The following ATG14 variants were observed in gnomAD, a reference collection of about 807,000 sequenced individuals.
The protein encoded by ATG14 is beclin 1-associated autophagy-related key regulator.
ATG14 carries 35 observed loss-of-function variants against 60.4 expected under a neutral mutation model. The observed-to-expected ratio is 0.58, with a 90% confidence interval of 0.44 to 0.77. The LOEUF (loss-of-function observed/expected upper bound fraction) is 0.77. Ranked by LOEUF, ATG14 falls within the 30% of genes least tolerant of loss-of-function variation. The probability of loss-of-function intolerance (pLI) is 0.00; values close to 1 mark genes in which losing one functional copy is unlikely to be tolerated. For missense variants in ATG14, 647 were observed against 626.3 expected, an observed-to-expected ratio of 1.03 and a Z score of -0.35; for synonymous variants, 234 against 228.8, an observed-to-expected ratio of 1.02 and a Z score of -0.21.
rs1304856728 is a variant in ATG14, at chr14:55,367,130, T to G, written c.*2489A>C. ...GTACTCTAGATGAGTTTGTGATCTCTGGATTCTATTCTTTAGCTTCATCTC... is the reference window on the plus strand; with the variant it reads ...GTACTCTAGATGAGTTTGTGATCTCGGGATTCTATTCTTTAGCTTCATCTC... On this transcript the variant is annotated 3_prime_UTR_variant, in exon 10 of 10. Coordinates refer to ENST00000247178, the MANE Select transcript of ATG14 (RefSeq NM_014924.5). 1.3e-5 allele frequency: 2 copies of G among 152,476 alleles called. No homozygotes were observed. The highest frequency in any genetic ancestry group is 4.8e-5 in the African/African-American group (2 of 41,470). 9.4% of individuals were successfully genotyped at this position (152,476 alleles called of 1,614,324 possible). A position where few individuals can be genotyped will look rare whatever the true frequency, so the allele number is the denominator to read the frequency against.
intron 3 of ATG14, among the ~76,000 whole-genome samples, chr14:55,394,361 C>T (rs1404056968): frequency 6.6e-6 from 1 of 152,160 alleles, no homozygotes; most frequent in African/African-American, 2.4e-5. Flanking sequence ...AGTACACAGA[C>T]ATTTCAATTT....
In ATG14 at chr14:55,367,093, A is replaced by C. The variant is rs1884696129; in HGVS notation, c.*2526T>G. The C allele has an allele frequency of 6.6e-6, 1 of 152,578 alleles. No individual in the cohort carries two copies. The highest frequency in any genetic ancestry group is 1.5e-5 in the Non-Finnish European group (1 of 68,026). 9.5% of individuals were successfully genotyped at this position (152,578 alleles called of 1,614,324 possible). On this transcript the variant is annotated 3_prime_UTR_variant, in exon 10 of 10. Transcript: ENST00000247178. ...TCCATAAAGTTCCCACATCTTTGTA[A>C]ATTTTGTGGAAGTACTCTAGATGAG...
At chr14:55,391,909 G>A (rs963024320) in intron 3 of ATG14, among the ~76,000 whole-genome samples, 1 of 152,194 alleles carries the variant, frequency 6.6e-6, no homozygotes, top group Non-Finnish European at 1.5e-5. Flanking sequence ...ACTCAAGTAA[G>A]ATTTCCTGAA....
intron 9 of ATG14, among the ~76,000 whole-genome samples, chr14:55,373,662 T>C (rs1286555328): frequency 6.6e-6 from 1 of 152,114 alleles, no homozygotes; most frequent in East Asian, 1.9e-4. Flanking sequence ...GTTTCCCATG[T>C]TGGCCGGGCT....
At chr14:55,391,092 C>A in intron 3 of ATG14, 100 bp from the exon 4 acceptor site, 2 of 765,446 alleles carry the variant, frequency 2.6e-6, no homozygotes, top group Admixed American at 3.2e-5. Context: ...TGTCAGAAAA[C>A]ATAATGAAGA....
intron 1 of ATG14, 33 bp from the exon 2 acceptor site, chr14:55,397,467 T>C (rs901170878): frequency 1.9e-6 from 3 of 1,553,222 alleles, no homozygotes; most frequent in Non-Finnish European, 2.7e-6. Flanking sequence ...CTTATTTAAA[T>C]GGTCATTTTT....
chr14:55,391,011 A>G lies in ATG14; in HGVS notation c.328-19T>C, dbSNP rs1885206460. On this transcript the variant is annotated intron_variant, in intron 3 of 9. Coordinates refer to ENST00000247178, the MANE Select transcript of ATG14 (RefSeq NM_014924.5). ...TCCATCTCTGAAAAAAGCATGTAATAAATATCACAAACGTTGGTCTCTTAT... is the reference window on the plus strand; with the variant it reads ...TCCATCTCTGAAAAAAGCATGTAATGAATATCACAAACGTTGGTCTCTTAT... The G allele has an allele frequency of 6.4e-7, 1 of 1,566,418 alleles. No homozygotes were observed. Among genetic ancestry groups the G allele is most frequent in the Non-Finnish European group, 8.7e-7 (1 of 1,142,946 alleles).
intron 4 of ATG14, 138 bp from the exon 5 acceptor site, chr14:55,386,234 AGTG>A (rs149500739): frequency 0.066 from 45,739 of 693,426 alleles, 1,818 homozygotes; most frequent in South Asian, 0.086. Flanking sequence ...ATGTTCACTA[AGTG>A]GAAAATTTGA....
chr14:55,396,200 C>T (rs750895306), intron 2 of ATG14, among the ~76,000 whole-genome samples: 3 of 152,148 alleles, frequency 2.0e-5, no homozygotes, highest in Non-Finnish European at 2.9e-5. Flanking sequence ...AGCCTTTCTA[C>T]AAATGTCCAC....
chr14:55,396,192 C>T (rs1885311527), intron 2 of ATG14, among the ~76,000 whole-genome samples: 1 of 152,140 alleles, frequency 6.6e-6, no homozygotes, highest in Non-Finnish European at 1.5e-5. Context: ...TTGCTAAGAG[C>T]CTTTCTACAA....
chr14:55,406,764 G>C (rs910380033), intron 1 of ATG14, among the ~76,000 whole-genome samples: 2 of 152,182 alleles, frequency 1.3e-5, no homozygotes, highest in Non-Finnish European at 2.9e-5. Flanking sequence ...GAGAAAGATG[G>C]AGAGTTAGGT....
At chr14:55,410,515 A>G (rs1885554654) in intron 1 of ATG14, among the ~76,000 whole-genome samples, 1 of 152,244 alleles carries the variant, frequency 6.6e-6, no homozygotes, top group African/African-American at 2.4e-5. Context: ...CAAAACTAAA[A>G]AAGAGTTTGT....
At chr14:55,401,927 C>T (rs1213583892) in intron 1 of ATG14, among the ~76,000 whole-genome samples, 1 of 152,148 alleles carries the variant, frequency 6.6e-6, no homozygotes, top group Non-Finnish European at 1.5e-5. Context: ...TTCAACACGC[C>T]AAGTGGGAAA....
At chr14:55,405,941 C>G (rs1258296444) in intron 1 of ATG14, among the ~76,000 whole-genome samples, 1 of 150,816 alleles carries the variant, frequency 6.6e-6, no homozygotes, top group African/African-American at 2.4e-5. Context: ...AGGTATTGTT[C>G]AGGACTGGGG....
At chr14:55,369,988 C>CTTCAGGAAGATGGCAT in intron 9 of ATG14, 63 bp from the exon 10 acceptor site, 3 of 1,498,556 alleles carry the variant, frequency 2.0e-6, no homozygotes, top group Non-Finnish European at 2.7e-6. Context: ...GAAAATATGC[C>CTTCAGGAAGATGGCAT]ATCTTCCTGA....
intron 9 of ATG14, among the ~76,000 whole-genome samples, chr14:55,376,905 TGA>T (rs1884928570): frequency 6.6e-6 from 1 of 152,238 alleles, no homozygotes; most frequent in African/African-American, 2.4e-5. Context: ...TTTCATGGGC[TGA>T]GAGAATAAAA....
intron 4 of ATG14, among the ~76,000 whole-genome samples, chr14:55,388,103 C>T (rs191845784): frequency 1.4e-4 from 22 of 152,262 alleles, no homozygotes; most frequent in South Asian, 1.2e-3. Flanking sequence ...TGCCACTGCA[C>T]TCCAGCCTGG....
At chr14:55,380,875 A>ATTT (rs1170779991) in intron 6 of ATG14, among the ~76,000 whole-genome samples, 185 bp from the exon 7 acceptor site, 6 of 112,704 alleles carry the variant, frequency 5.3e-5, no homozygotes, top group African/African-American at 1.1e-4. Flanking sequence ...ATATATATAT[A>ATTT]TTTTTTTTTT....
intron 6 of ATG14, among the ~76,000 whole-genome samples, 182 bp from the exon 7 acceptor site, chr14:55,380,872 TATA>T (rs1475507889): frequency 1.0e-5 from 1 of 96,440 alleles, no homozygotes; most frequent in Non-Finnish European, 1.9e-5. Context: ...TATATATATA[TATA>T]TTTTTTTTTT....
Sources: gnomAD v4.1 joint callset for allele counts (sites outside exome capture counted in the v4.1 genomes callset) on GRCh38, gnomAD v4.1.1 for gene constraint, MANE v1.5 for transcripts, NCBI Gene and HGNC (gene_info 2026-07-23, HGNC 2026-07-21) for gene names.